The following CDH2 variants were observed in gnomAD, a reference collection of about 807,000 sequenced individuals.
CDH2 encodes cadherin-2.
In CDH2, 17 loss-of-function variants were observed where a neutral mutation model predicts 92.0. That is an observed-to-expected ratio of 0.18 (90% CI 0.13 to 0.28). CDH2 has a LOEUF of 0.28. CDH2 is among the 10% of genes least tolerant of loss of function. CDH2 has a pLI of 1.00. For missense variants in CDH2, 862 were observed against 1,133.1 expected (o/e 0.76, Z 3.44); for synonymous variants, 419 against 415.9 (o/e 1.01, Z -0.09).
At chr18:28,017,654 TTG>T (rs2013290357) in intron 2 of CDH2, among the ~76,000 whole-genome samples, 1 of 152,160 alleles carries the variant, frequency 6.6e-6, no homozygotes, top group African/African-American at 2.4e-5. Context: ...TCTGCTGGGT[TTG>T]TGTTTGGTTT....
rs1356249051 is a variant in CDH2, at chr18:28,175,627, C to T, written c.60+1336G>A. Reference sequence around the variant, plus strand: ...CTGCCCCCGCCCCAGCAGCACTCACCCCCCGGCGGGCCGGAGCGCGCCAGG... The same window carrying T: ...CTGCCCCCGCCCCAGCAGCACTCACTCCCCGGCGGGCCGGAGCGCGCCAGG... On this transcript the variant is annotated intron_variant, in intron 1 of 15. Transcript: ENST00000269141. Among the ~76,000 whole-genome samples, 6 of 152,290 alleles carry T rather than the reference C, an allele frequency of 3.9e-5. No homozygotes were observed. The East Asian group carries it at 1.2e-3, about 30-fold the overall frequency.
At chr18:28,001,177 T>C (rs1157291411) in intron 7 of CDH2, among the ~76,000 whole-genome samples, 1 of 152,232 alleles carries the variant, frequency 6.6e-6, no homozygotes, top group Non-Finnish European at 1.5e-5. Flanking sequence ...GAACAGCTTC[T>C]CTATCCACTG....
At chr18:28,048,280 T>C (rs985371804) in intron 2 of CDH2, among the ~76,000 whole-genome samples, 5 of 151,510 alleles carry the variant, frequency 3.3e-5, no homozygotes, top group East Asian at 2.0e-4. Flanking sequence ...TAAGTTTGAA[T>C]TGTGGTATGT....
At chr18:28,147,897 C>A in intron 1 of CDH2, 113 bp from the exon 2 acceptor site, 3 of 628,312 alleles carry the variant, frequency 4.8e-6, no homozygotes, top group Non-Finnish European at 8.3e-6. Flanking sequence ...GTACAAACAA[C>A]CCCTTTGTTT....
At chr18:28,164,434 A>G (rs2016349811) in intron 1 of CDH2, among the ~76,000 whole-genome samples, 1 of 152,230 alleles carries the variant, frequency 6.6e-6, no homozygotes, top group African/African-American at 2.4e-5. Flanking sequence ...TTAGAATAGA[A>G]AGATGCTAAG....
At chr18:28,043,546 G>A (rs2014005497) in intron 2 of CDH2, among the ~76,000 whole-genome samples, 1 of 139,906 alleles carries the variant, frequency 7.1e-6, no homozygotes, top group Admixed American at 7.4e-5. Context: ...AGTTGATGGG[G>A]ACTTATGAGC....
chr18:28,065,628 C>T (rs558288888), intron 2 of CDH2, among the ~76,000 whole-genome samples: 4 of 152,170 alleles, frequency 2.6e-5, no homozygotes, highest in Middle Eastern at 6.8e-3. Flanking sequence ...GGTAACTAGC[C>T]GTAGAATTGG....
chr18:28,075,376 T>C (rs1268204890), intron 2 of CDH2, among the ~76,000 whole-genome samples: 1 of 152,182 alleles, frequency 6.6e-6, no homozygotes, highest in Non-Finnish European at 1.5e-5. Flanking sequence ...GGTCCAGTTC[T>C]GTGCCCTAGC....
intron 2 of CDH2, among the ~76,000 whole-genome samples, chr18:28,046,196 A>G (rs1472886367): frequency 6.6e-6 from 1 of 152,192 alleles, no homozygotes; most frequent in Non-Finnish European, 1.5e-5. Context: ...GGTGCATTAC[A>G]GAGCAGCACC....
At chr18:27,991,531 T>C (rs2012415840) in intron 9 of CDH2, among the ~76,000 whole-genome samples, 1 of 152,228 alleles carries the variant, frequency 6.6e-6, no homozygotes, top group Non-Finnish European at 1.5e-5. Context: ...CTAAGGGGTA[T>C]ATGCACAGTT....
intron 4 of CDH2, among the ~76,000 whole-genome samples, chr18:28,011,385 T>C (rs1392355968): frequency 6.6e-6 from 1 of 152,216 alleles, no homozygotes; most frequent in East Asian, 1.9e-4. Flanking sequence ...GAGGTCATTC[T>C]TTTCTTTAAA....
At chr18:28,175,713 C>T (rs1345028526) in intron 1 of CDH2, among the ~76,000 whole-genome samples, 4 of 152,230 alleles carry the variant, frequency 2.6e-5, no homozygotes, top group African/African-American at 9.6e-5. Context: ...ACCCCCGGAG[C>T]AGGCACTTCC....
At chr18:28,004,161 A>C (rs568397722) in intron 6 of CDH2, among the ~76,000 whole-genome samples, 5 of 152,144 alleles carry the variant, frequency 3.3e-5, no homozygotes, top group African/African-American at 1.2e-4. Context: ...CAAAACCTTC[A>C]GTGTGTACTT....
At chr18:27,933,098 G>A (rs969105840) in exon 7 of CDH2, among the ~76,000 whole-genome samples, 1 of 152,028 alleles carries the variant, frequency 6.6e-6, no homozygotes, top group Non-Finnish European at 1.5e-5. Context: ...AAGGTCATAG[G>A]TGTAAGCTCT....
At chr18:27,959,736 T>C (rs577274047) in intron 15 of CDH2, among the ~76,000 whole-genome samples, 5 of 152,206 alleles carry the variant, frequency 3.3e-5, no homozygotes, top group Admixed American at 1.3e-4. Context: ...ATCGTTTTGA[T>C]TGTTTTCTAT....
At chr18:28,038,439 G>A (rs2144100854) in intron 2 of CDH2, among the ~76,000 whole-genome samples, 1 of 138,428 alleles carries the variant, frequency 7.2e-6, no homozygotes. Context: ...GTGTGTGTGT[G>A]TGTGTGTGTG....
At chr18:28,098,559 C>G (rs1029952832) in intron 2 of CDH2, among the ~76,000 whole-genome samples, 3 of 151,658 alleles carry the variant, frequency 2.0e-5, no homozygotes, top group African/African-American at 7.3e-5. Flanking sequence ...TAACTCATGC[C>G]TGAACAAAAC....
downstream of CDH2, among the ~76,000 whole-genome samples, chr18:27,949,566 A>G (rs910412395): frequency 6.6e-6 from 1 of 151,994 alleles, no homozygotes; most frequent in Non-Finnish European, 1.5e-5. Flanking sequence ...TTACCAAGAT[A>G]CACTCAGTGA....
At chr18:28,027,858 T>G (rs78473299) in intron 2 of CDH2, among the ~76,000 whole-genome samples, 2 of 147,570 alleles carry the variant, frequency 1.4e-5, no homozygotes, top group African/African-American at 2.5e-5. Flanking sequence ...TTTTTTTTTT[T>G]GCAGAATGTA....
Sources: gnomAD v4.1 joint callset for allele counts (sites outside exome capture counted in the v4.1 genomes callset) on GRCh38, gnomAD v4.1.1 for gene constraint, MANE v1.5 for transcripts, NCBI Gene and HGNC (gene_info 2026-07-23, HGNC 2026-07-21) for gene names.